TRAPPC9: variants seen among roughly 807,000 people sequenced by gnomAD.
TRAPPC9 encodes the protein IKK2 binding protein.
In TRAPPC9, 83 loss-of-function variants were observed where a neutral mutation model predicts 124.0. The observed-to-expected ratio is 0.67, with a 90% CI of 0.56 to 0.80. The LOEUF is 0.80. Among genes scored for constraint, TRAPPC9 ranks in the 30% least tolerant of loss-of-function variants. The pLI is 0.00. For synonymous variants in TRAPPC9, 638 were observed against 617.5 expected, an observed-to-expected ratio of 1.03 and a Z score of -0.49; for missense variants, 1,302 against 1,508.3, an observed-to-expected ratio of 0.86 and a Z score of 2.27.
At chr8:140,404,279 G>A (rs916325407) in intron 6 of TRAPPC9, among the ~76,000 whole-genome samples, 2 of 152,060 alleles carry the variant, frequency 1.3e-5, no homozygotes, top group African/African-American at 4.8e-5. Context: ...CAAGAATATA[G>A]GGGCAAAAAT....
intron 6 of TRAPPC9, among the ~76,000 whole-genome samples, chr8:140,401,037 A>G (rs895438657): frequency 2.0e-5 from 3 of 152,244 alleles, no homozygotes; most frequent in African/African-American, 7.2e-5. Flanking sequence ...TAGTACCTGA[A>G]GAGAAACAGA....
intron 17 of TRAPPC9, among the ~76,000 whole-genome samples, chr8:140,166,367 T>C (rs1288554841): frequency 6.6e-6 from 1 of 152,058 alleles, no homozygotes; most frequent in Non-Finnish European, 1.5e-5. Flanking sequence ...AATGCAACAA[T>C]GATTGAAAAG....
intron 17 of TRAPPC9, among the ~76,000 whole-genome samples, chr8:140,045,635 A>G (rs1303779482): frequency 3.0e-5 from 3 of 98,844 alleles, no homozygotes; most frequent in Non-Finnish European, 6.5e-5. Flanking sequence ...TCGGCAGAAA[A>G]AAAAAAAAAA....
chr8:140,069,438 GCA>G (rs1276405801), intron 17 of TRAPPC9, among the ~76,000 whole-genome samples: 2 of 152,172 alleles, frequency 1.3e-5, no homozygotes, highest in African/African-American at 4.8e-5. Context: ...TAAGTGCTCA[GCA>G]CAGAGGTCTG....
intron 21 of TRAPPC9, among the ~76,000 whole-genome samples, chr8:139,817,042 CTA>C (rs1824886396): frequency 1.7e-5 from 1 of 60,256 alleles, no homozygotes; most frequent in African/African-American, 1.2e-4. Context: ...AGAACATAAA[CTA>C]AACACACACA....
At chr8:140,348,627 C>A (rs2067421097) in intron 9 of TRAPPC9, among the ~76,000 whole-genome samples, 1 of 152,188 alleles carries the variant, frequency 6.6e-6, no homozygotes, top group Non-Finnish European at 1.5e-5. Context: ...CAAAAAAAAG[C>A]ATGTATTATT....
intron 19 of TRAPPC9, among the ~76,000 whole-genome samples, chr8:139,977,841 C>T (rs370300125): frequency 6.1e-4 from 92 of 151,816 alleles, no homozygotes; most frequent in African/African-American, 1.9e-3. Flanking sequence ...CCACCACGCC[C>T]GGCTAATTTT....
chr8:140,429,536 G>C (rs546039990), intron 4 of TRAPPC9, among the ~76,000 whole-genome samples: 3 of 152,236 alleles, frequency 2.0e-5, no homozygotes, highest in Non-Finnish European at 2.9e-5. Flanking sequence ...AAGATTAAAG[G>C]GTTAAATTGG....
intron 9 of TRAPPC9, 129 bp downstream of exon 9, chr8:140,359,921 C>T: frequency 7.4e-7 from 1 of 1,347,358 alleles, no homozygotes; most frequent in South Asian, 1.2e-5. Flanking sequence ...GGGACCTTGT[C>T]ACTGACGAAG....
intron 19 of TRAPPC9, among the ~76,000 whole-genome samples, chr8:139,944,220 G>A (rs1834076854): frequency 6.6e-6 from 1 of 152,168 alleles, no homozygotes; most frequent in Admixed American, 6.5e-5. Context: ...AGAAATGCTA[G>A]AAGAAAATTC....
chr8:140,452,575 A>G (rs931109828), intron 1 of TRAPPC9, among the ~76,000 whole-genome samples: 1 of 152,176 alleles, frequency 6.6e-6, no homozygotes, highest in African/African-American at 2.4e-5. Flanking sequence ...TATAAATGGG[A>G]GAGTTGCCAT....
chr8:139,911,864 A>G (rs1316410732), intron 19 of TRAPPC9, among the ~76,000 whole-genome samples: 2 of 152,120 alleles, frequency 1.3e-5, no homozygotes, highest in Non-Finnish European at 2.9e-5. Context: ...TAAAGACAAG[A>G]TAAGACCCAA....
At chr8:140,042,205 A>ATGTGTG (rs57584807) in intron 17 of TRAPPC9, among the ~76,000 whole-genome samples, 6 of 149,498 alleles carry the variant, frequency 4.0e-5, no homozygotes, top group South Asian at 2.1e-4. Flanking sequence ...AAAAAAGTGT[A>ATGTGTG]TGTGTGTGTG....
rs199229 is a variant in TRAPPC9 at position 139,729,651 on chromosome 8, C to T, written c.*1410G>A. On this transcript the variant is annotated 3_prime_UTR_variant, in exon 23 of 23. Coordinates refer to ENST00000438773, the MANE Select transcript of TRAPPC9 (RefSeq NM_001160372.4). ...GGAACAAAAAATTTGTTCCTTAGGC[C>T]GGAGGCCACAGGGTGACCTTGCTCC... is the stretch of plus-strand genomic sequence containing the variant. Among the ~76,000 whole-genome samples, 28,969 of 152,154 alleles carry T rather than the reference C, an allele frequency of 0.19. 3,056 individuals carry two copies. Among genetic ancestry groups the T allele is most frequent in the African/African-American group, 0.29 (11,939 of 41,468 alleles).
chr8:140,235,923 C>T (rs1012999567), intron 16 of TRAPPC9, among the ~76,000 whole-genome samples: 9 of 152,018 alleles, frequency 5.9e-5, no homozygotes, highest in African/African-American at 2.2e-4. Flanking sequence ...AAATGCAACA[C>T]ACAATATGCA....
intron 17 of TRAPPC9, among the ~76,000 whole-genome samples, chr8:140,203,399 T>C (rs1329527031): frequency 6.6e-6 from 1 of 152,214 alleles, no homozygotes; most frequent in African/African-American, 2.4e-5. Flanking sequence ...TGCACTAGTC[T>C]TTGCTGATAG....
intron 17 of TRAPPC9, among the ~76,000 whole-genome samples, chr8:140,166,035 G>A (rs576594805): frequency 1.3e-5 from 2 of 152,252 alleles, no homozygotes; most frequent in East Asian, 1.9e-4. Context: ...CAGGAGCCCC[G>A]CCTGCATGCA....
intron 8 of TRAPPC9, 52 bp downstream of exon 8, chr8:140,370,906 AGCATGT>A (rs2068261914): frequency 6.3e-7 from 1 of 1,592,002 alleles, no homozygotes; most frequent in Non-Finnish European, 8.6e-7. Context: ...GGGCTGAAAC[AGCATGT>A]GACCATCAGA....
rs1375984777 is a variant in TRAPPC9 at position 139,784,599 on chromosome 8, AAAGACTGAC to A, written c.3056-52406_3056-52398del. Among the ~76,000 whole-genome samples, 36 of 113,888 alleles carry A rather than the reference AAAGACTGAC, an allele frequency of 3.2e-4. 1 individual carries two copies. The highest frequency in any genetic ancestry group is 1.2e-3 in the African/African-American group (34 of 29,112). The allele number at this position is 113,888 out of a possible 152,430, so 74.7% of individuals were successfully genotyped here. A position where few individuals can be genotyped will look rare whatever the true frequency, so the allele number is the denominator to read the frequency against. ...AAATAAATAAATAAATAAATAAATA[AAAGACTGAC>A]ATATATATATATATATATATATATA... On this transcript the variant is annotated intron_variant, in intron 21 of 22. Transcript: ENST00000438773.
Sources: gnomAD v4.1 joint callset for allele counts (sites outside exome capture counted in the v4.1 genomes callset) on GRCh38, gnomAD v4.1.1 for gene constraint, MANE v1.5 for transcripts, NCBI Gene and HGNC (gene_info 2026-07-23, HGNC 2026-07-21) for gene names.